The following VPS13D variants were observed in gnomAD, a reference collection of about 807,000 sequenced individuals.
VPS13D encodes the protein intermembrane lipid transfer protein VPS13D.
Under a neutral mutation model 461.9 loss-of-function variants are expected in VPS13D, and 187 were observed. That is an observed-to-expected ratio of 0.40 (90% CI 0.36 to 0.46). The LOEUF is 0.46. Among genes scored for constraint, VPS13D ranks in the 20% least tolerant of loss-of-function variants. The pLI is 0.60. For synonymous variants in VPS13D, 1,951 were observed against 1,986.3 expected (o/e 0.98, Z 0.47); for missense variants, 4,711 against 5,364.9 (o/e 0.88, Z 3.81).
intron 67 of VPS13D, among the ~76,000 whole-genome samples, chr1:12,484,694 G>A (rs1204271497): frequency 4.6e-5 from 7 of 152,342 alleles, no homozygotes; most frequent in African/African-American, 1.4e-4. Flanking sequence ...TGGCCCAGCA[G>A]TCTCAATCCT....
chr1:12,323,497 A>T (rs539365668), intron 34 of VPS13D, among the ~76,000 whole-genome samples: 1 of 151,788 alleles, frequency 6.6e-6, no homozygotes, highest in East Asian at 1.9e-4. Context: ...CCAGGACACC[A>T]CTTTAAAAAC....
At position 12,360,818 on chromosome 1, in the gene VPS13D, T is replaced by TA. The variant is rs532158811; in HGVS notation, c.10142-1901dup. ...CATTTTCAAGCCAGTTTAAGTGAATTACGGCATTTACAGATTGGAATATTT... is the reference window on the plus strand; with the variant it reads ...CATTTTCAAGCCAGTTTAAGTGAATTAACGGCATTTACAGATTGGAATATTT... On this transcript the variant is annotated intron_variant, in intron 50 of 69. Coordinates refer to ENST00000620676, the MANE Select transcript of VPS13D (RefSeq NM_015378.4). Among the ~76,000 whole-genome samples the TA allele has an allele frequency of 1.2e-4, 19 of 152,340 alleles. No homozygotes were observed. In the East Asian group the frequency reaches 3.5e-3, roughly 28 times the overall value.
intron 65 of VPS13D, among the ~76,000 whole-genome samples, chr1:12,442,635 A>G (rs1645144867): frequency 7.0e-6 from 1 of 142,950 alleles, no homozygotes. Flanking sequence ...TGGCTTTGTC[A>G]CCCAGGCTGG....
At chr1:12,396,000 T>G (rs865951157) in intron 60 of VPS13D, among the ~76,000 whole-genome samples, 4 of 123,726 alleles carry the variant, frequency 3.2e-5, no homozygotes, top group Non-Finnish European at 4.9e-5. Context: ...ATAGGAGATA[T>G]ATATATATAT....
At position 12,356,740 on chromosome 1, in the gene VPS13D, G is replaced by A. The variant is rs138120109; in HGVS notation, c.9998+216G>A. On this transcript the variant is annotated intron_variant, in intron 49 of 69. Transcript: ENST00000620676. ...ACCATTTGGTTGGTTTATAATGAAA[G>A]CTAGTTTTATTTTACATGCATTGAA... Among the ~76,000 whole-genome samples the A allele has an allele frequency of 4.1e-3, 627 of 152,284 alleles. 1 individual carries two copies. The highest frequency in any genetic ancestry group is 6.8e-3 in the Middle Eastern group (2 of 294).
At chr1:12,481,054 G>T (rs574213456) in intron 67 of VPS13D, among the ~76,000 whole-genome samples, 1 of 152,306 alleles carries the variant, frequency 6.6e-6, no homozygotes, top group Non-Finnish European at 1.5e-5. Context: ...TTGCCCCCAG[G>T]TCCAGAGGGA....
intron 20 of VPS13D, among the ~76,000 whole-genome samples, chr1:12,281,268 A>G (rs1641771961): frequency 6.6e-6 from 1 of 152,212 alleles, no homozygotes; most frequent in African/African-American, 2.4e-5. Context: ...GGATCATTTC[A>G]AAAATGTCTT....
At chr1:12,269,749 C>G (rs1004975916) in intron 16 of VPS13D, among the ~76,000 whole-genome samples, 8 of 152,194 alleles carry the variant, frequency 5.3e-5, no homozygotes, top group Non-Finnish European at 1.0e-4. Flanking sequence ...TGTCCCTTCC[C>G]CCTTTATTAC....
chr1:12,469,317 G>A (rs1038176131), intron 67 of VPS13D, among the ~76,000 whole-genome samples: 1 of 152,138 alleles, frequency 6.6e-6, no homozygotes, highest in African/African-American at 2.4e-5. Flanking sequence ...TTTTATAATA[G>A]TATTCTCTAA....
chr1:12,277,701 C>T lies in VPS13D; in HGVS notation c.4113C>T (p.Asp1371=). ...TTGACCTAGCTTCGTCTCATTTGGA[C>T]ACTGTAAAGCTAATCTTGAACATAA... ...YGFDLASSHL[D]TVKLILNINI... The change falls in exon 19 of 70, where the codon GAC becomes GAT. Residue 1371 remains aspartate (D), a synonymous_variant. Coordinates refer to ENST00000620676, the MANE Select transcript of VPS13D (RefSeq NM_015378.4). 6.2e-7 allele frequency: 1 copy of T among 1,614,190 alleles called. No homozygotes were observed. The highest frequency in any genetic ancestry group is 1.3e-5 in the African/African-American group (1 of 75,046).
At position 12,509,304 on chromosome 1, in the gene VPS13D, C is replaced by G. The variant is rs1061030; in HGVS notation, c.*280C>G. 6 of 374,740 alleles carry G rather than the reference C, an allele frequency of 1.6e-5. No homozygotes were observed. Among genetic ancestry groups the G allele is most frequent in the African/African-American group, 6.2e-5 (3 of 48,508 alleles). 23.2% of individuals were successfully genotyped at this position (374,740 alleles called of 1,614,324 possible). A position where few individuals can be genotyped will look rare whatever the true frequency, so the allele number is the denominator to read the frequency against. The stretch of plus-strand genomic sequence containing the variant: ...AGATGAATCTAATTTTTAGATTGCC[C>G]TGTATTTTGTTAACATGTATATATG... On this transcript the variant is annotated 3_prime_UTR_variant, in exon 70 of 70. Coordinates refer to ENST00000620676, the MANE Select transcript of VPS13D (RefSeq NM_015378.4).
chr1:12,230,439 G>C (rs1052274850), intron 1 of VPS13D, among the ~76,000 whole-genome samples: 1 of 152,126 alleles, frequency 6.6e-6, no homozygotes, highest in Non-Finnish European at 1.5e-5. Flanking sequence ...GTCCTGGGGA[G>C]CCCGAGCCCC....
At chr1:12,349,445 C>G in intron 46 of VPS13D, 71 bp downstream of exon 46, 1 of 1,396,316 alleles carries the variant, frequency 7.2e-7, no homozygotes, top group Non-Finnish European at 1.0e-6. Context: ...TATTACCATT[C>G]TTTCTCTAAA....
chr1:12,273,184 A>G (rs377693808), intron 18 of VPS13D, 49 bp downstream of exon 18: 61 of 1,601,804 alleles, frequency 3.8e-5, no homozygotes, highest in Non-Finnish European at 4.7e-5. Flanking sequence ...TAGATGGATG[A>G]TCTATCTATG....
chr1:12,343,654 C>T (rs906624388), intron 42 of VPS13D, among the ~76,000 whole-genome samples: 6 of 152,092 alleles, frequency 3.9e-5, no homozygotes, highest in South Asian at 2.1e-4. Flanking sequence ...GGATTACAGG[C>T]GTGAGCCACT....
chr1:12,361,369 A>AT (rs1172153769), intron 50 of VPS13D, among the ~76,000 whole-genome samples: 1 of 141,916 alleles, frequency 7.0e-6, no homozygotes, highest in Non-Finnish European at 1.5e-5. Context: ...TTTTATTTTT[A>AT]TTTTTATTTA....
intron 65 of VPS13D, among the ~76,000 whole-genome samples, chr1:12,438,787 AAAG>A (rs1273084546): frequency 6.6e-6 from 1 of 152,250 alleles, no homozygotes; most frequent in African/African-American, 2.4e-5. Context: ...TTTGACATGT[AAAG>A]AAGAACTAAT....
intron 68 of VPS13D, among the ~76,000 whole-genome samples, chr1:12,506,193 G>A (rs1244464387): frequency 2.6e-5 from 4 of 152,216 alleles, no homozygotes; most frequent in East Asian, 1.9e-4. Context: ...GAGGTTTGAT[G>A]TGCATAAATT....
At chr1:12,337,473 G>C (rs1285850404) in intron 39 of VPS13D, 4 of 152,126 alleles carry the variant, frequency 2.6e-5, no homozygotes, top group African/African-American at 9.7e-5. Flanking sequence ...AAGCTCTTGG[G>C]AATAGCCCTT....
Sources: allele counts gnomAD v4.1 joint callset (sites outside exome capture counted in the v4.1 genomes callset), GRCh38; gene constraint gnomAD v4.1.1; transcripts MANE v1.5; gene names NCBI Gene and HGNC (gene_info 2026-07-23, HGNC 2026-07-21).